Variants in PARVB observed in about 807,000 individuals in gnomAD.
PARVB encodes the protein parvin beta.
In PARVB, 46 loss-of-function variants were observed where a neutral mutation model predicts 47.0. The observed-to-expected ratio is 0.98, with a 90% CI of 0.77 to 1.25. The LOEUF (loss-of-function observed/expected upper bound fraction) is 1.25, where lower values mean the gene tolerates loss of function less well. PARVB is among the 50% of genes most tolerant of loss of function. The probability of loss-of-function intolerance (pLI) is 0.00; values close to 1 mark genes in which losing one functional copy is unlikely to be tolerated. For synonymous variants in PARVB, 196 were observed against 196.3 expected (o/e 1.00, Z 0.01); for missense variants, 473 against 471.6 (o/e 1.00, Z -0.03).
At chr22:44,062,837 C>T (rs1241016300) in intron 1 of PARVB, among the ~76,000 whole-genome samples, 1 of 150,274 alleles carries the variant, frequency 6.7e-6, no homozygotes, top group East Asian at 2.0e-4. Flanking sequence ...GTTTACCCAC[C>T]CGGAAGCTCT....
At chr22:44,077,801 G>A (rs1358568369) in intron 1 of PARVB, among the ~76,000 whole-genome samples, 2 of 151,950 alleles carry the variant, frequency 1.3e-5, no homozygotes, top group African/African-American at 2.4e-5. Flanking sequence ...TGGTTCTAGC[G>A]ATTCTCCTGC....
Position 44,155,244 on chromosome 22 carries a change from CGCACTGAGATCAAGTGG to C in PARVB, c.844-2734_844-2718del, listed in dbSNP as rs1310515522. Among the ~76,000 whole-genome samples, 6 of 152,114 alleles carry C rather than the reference CGCACTGAGATCAAGTGG, an allele frequency of 3.9e-5. No homozygotes were observed. The highest frequency in any genetic ancestry group is 3.3e-4 in the Admixed American group (5 of 15,262). On this transcript the variant is annotated intron_variant, in intron 10 of 12. Coordinates refer to ENST00000338758, the MANE Select transcript of PARVB (RefSeq NM_013327.5). This position sits in a 1 kb window ranked among gnomAD's most constrained non-coding sequence, Gnocchi z 4.8. ...GCAGTGTGAGGACTGGGTGAGATGG[CGCACTGAGATCAAGTGG>C]GCAGGGCTCGGCAGGGGTTAGCACT...
intron 2 of PARVB, among the ~76,000 whole-genome samples, chr22:44,095,854 C>T (rs1196404171): frequency 2.0e-5 from 3 of 152,182 alleles, no homozygotes; most frequent in Admixed American, 6.5e-5. Context: ...AGCCGCCAAC[C>T]GACCCGAAGC....
chr22:44,161,197 C>A (rs576495910), intron 11 of PARVB, among the ~76,000 whole-genome samples: 97 of 151,894 alleles, frequency 6.4e-4, no homozygotes, highest in African/African-American at 2.2e-3. Context: ...GCTAAAGGGA[C>A]CTGTGTTGCT....
rs541513889 is a variant in PARVB at position 44,043,661 on chromosome 22, G to A, written c.112+19210G>A. The stretch of plus-strand genomic sequence containing the variant: ...CAAAGTGCTGGGATTACAGGCGTAA[G>A]CCACTGCGCCCAGCCGAATTGTACA... On this transcript the variant is annotated intron_variant, in intron 1 of 12. Transcript: ENST00000338758. Among the ~76,000 whole-genome samples, 41 of 152,318 alleles carry A rather than the reference G, an allele frequency of 2.7e-4. No individual in the cohort carries two copies. The Middle Eastern group carries it at 0.02, about 76-fold the overall frequency.
At position 44,069,058 on chromosome 22, in the gene PARVB, C is replaced by T. The variant is rs189322999; in HGVS notation, c.113-24870C>T. ...CCTTGAAGTGCAAGTCATAGTGGCG[C>T]CCCTGCCACGTCCCTATATGAACGG... is the stretch of plus-strand genomic sequence containing the variant. On this transcript the variant is annotated intron_variant, in intron 1 of 12. Coordinates refer to ENST00000338758, the MANE Select transcript of PARVB (RefSeq NM_013327.5). 12,638 of 1,535,720 alleles carry T rather than the reference C, an allele frequency of 8.2e-3. 78 individuals are homozygous for T. Among genetic ancestry groups the T allele is most frequent in the Middle Eastern group, 0.012 (52 of 4,510 alleles).
chr22:44,095,570 A>C (rs2052284726), intron 2 of PARVB, among the ~76,000 whole-genome samples: 2 of 151,996 alleles, frequency 1.3e-5, no homozygotes, highest in South Asian at 4.1e-4. Context: ...CCTTTGGGCC[A>C]GCCAGAGCTG....
chr22:44,168,340 C>T, intron 12 of PARVB: 1 of 443,686 alleles, frequency 2.3e-6, no homozygotes, highest in East Asian at 4.3e-5. Flanking sequence ...CCAGGAGGGG[C>T]TGTGGGAGTG....
At chr22:44,158,696 C>T (rs1569161961) in intron 11 of PARVB, among the ~76,000 whole-genome samples, 4 of 152,232 alleles carry the variant, frequency 2.6e-5, no homozygotes, top group East Asian at 1.9e-4. Flanking sequence ...TCACTGCCCT[C>T]GTGCGTGGGC....
chr22:44,111,683 A>G lies in PARVB; in HGVS notation c.274-7355A>G, dbSNP rs111349718. On this transcript the variant is annotated intron_variant, in intron 3 of 12. Coordinates refer to ENST00000338758, the MANE Select transcript of PARVB (RefSeq NM_013327.5). The stretch of plus-strand genomic sequence containing the variant: ...GGGTAGTCTCAAACTCCTGGGCTCA[A>G]ACACTCATCCTGCATCAGCCTCCCA... The G allele has an allele frequency of 4.0e-5, 6 of 151,860 alleles. 1 individual carries two copies. Among genetic ancestry groups the G allele is most frequent in the African/African-American group, 1.4e-4 (6 of 41,392 alleles). 9.4% of individuals were successfully genotyped at this position (151,860 alleles called of 1,614,324 possible).
intron 2 of PARVB, among the ~76,000 whole-genome samples, chr22:44,000,710 A>G (rs1249036350): frequency 6.6e-6 from 1 of 152,256 alleles, no homozygotes; most frequent in African/African-American, 2.4e-5. Flanking sequence ...ACATTCTTTG[A>G]TACTTCACCA....
chr22:44,078,563 G>A (rs2051828385), intron 1 of PARVB, among the ~76,000 whole-genome samples: 1 of 152,074 alleles, frequency 6.6e-6, no homozygotes, highest in African/African-American at 2.4e-5. Context: ...TGAATAACCA[G>A]GCTAATCTCC....
rs929452294 is a variant in PARVB, at chr22:44,171,556, T to G, written c.*2878T>G. On this transcript the variant is annotated 3_prime_UTR_variant, in exon 13 of 13. Transcript: ENST00000338758. ...ACAGAGCTGTGATTTTCAGCCAAAATGAGCAGCCCTGGCCCATTCTGTGTC... is the reference window on the plus strand; with the variant it reads ...ACAGAGCTGTGATTTTCAGCCAAAAGGAGCAGCCCTGGCCCATTCTGTGTC... The G allele has an allele frequency of 6.6e-6, 1 of 151,096 alleles. No individual in the cohort carries two copies. The highest frequency in any genetic ancestry group is 2.4e-5 in the African/African-American group (1 of 41,008). 9.4% of individuals were successfully genotyped at this position (151,096 alleles called of 1,614,324 possible).
intron 7 of PARVB, 152 bp from the exon 8 acceptor site, chr22:44,139,972 C>T (rs188415238): frequency 1.9e-4 from 58 of 299,738 alleles, no homozygotes; most frequent in African/African-American, 1.8e-3. Flanking sequence ...AACACAGCAC[C>T]ATGTGACTTG....
At chr22:44,010,028 G>C (rs1365931371) in intron 2 of PARVB, among the ~76,000 whole-genome samples, 1 of 152,016 alleles carries the variant, frequency 6.6e-6, no homozygotes, top group African/African-American at 2.4e-5. Context: ...GGCTGATCTT[G>C]AACTTCTGAC....
At chr22:44,063,957 G>A (rs1029177892) in intron 1 of PARVB, among the ~76,000 whole-genome samples, 20 of 152,212 alleles carry the variant, frequency 1.3e-4, no homozygotes, top group African/African-American at 4.8e-4. Flanking sequence ...TTCCGTGGAT[G>A]GGGTGCGGTG....
intron 12 of PARVB, among the ~76,000 whole-genome samples, chr22:44,166,113 C>A (rs369932587): frequency 5.3e-5 from 8 of 152,124 alleles, no homozygotes; most frequent in Non-Finnish European, 1.0e-4. Flanking sequence ...CCCGAACCCA[C>A]GACTTTTTTT....
At chr22:44,058,777 A>T (rs1479619588) in intron 1 of PARVB, among the ~76,000 whole-genome samples, 1 of 150,716 alleles carries the variant, frequency 6.6e-6, no homozygotes, top group African/African-American at 2.4e-5. Context: ...GTGGTCTTGA[A>T]CCCCTGAGCT....
At chr22:44,001,882 A>G (rs909885156) in intron 2 of PARVB, among the ~76,000 whole-genome samples, 4 of 152,178 alleles carry the variant, frequency 2.6e-5, no homozygotes, top group African/African-American at 9.7e-5. Context: ...TCCTTGAGAC[A>G]TATGAGCCCC....
Sources: allele counts gnomAD v4.1 joint callset (sites outside exome capture counted in the v4.1 genomes callset), GRCh38; gene constraint gnomAD v4.1.1; non-coding constraint Gnocchi (gnomAD v3.1); transcripts MANE v1.5; gene names NCBI Gene and HGNC (gene_info 2026-07-23, HGNC 2026-07-21).